The following FBXO31 variants were observed in gnomAD, a reference collection of about 807,000 sequenced individuals.
The protein encoded by FBXO31 is F-box only protein 31.
A neutral mutation model predicts 54.4 loss-of-function variants in FBXO31; 24 were observed. The observed-to-expected ratio is 0.44, with a 90% confidence interval of 0.32 to 0.62. The LOEUF is 0.62. Ranked by LOEUF, FBXO31 falls within the 20% of genes least tolerant of loss-of-function variation. The pLI, the probability that FBXO31 is intolerant of heterozygous loss-of-function variation, is 0.05. For synonymous variants in FBXO31, 388 were observed against 335.6 expected, an observed-to-expected ratio of 1.16 and a Z score of -1.71; for missense variants, 665 against 787.1, an observed-to-expected ratio of 0.84 and a Z score of 1.86.
intron 2 of FBXO31, among the ~76,000 whole-genome samples, chr16:87,351,260 A>G (rs1905642598): frequency 1.3e-5 from 2 of 152,256 alleles, no homozygotes; most frequent in Non-Finnish European, 1.5e-5. Flanking sequence ...GCTCCCATTC[A>G]AACGGTCAAG....
chr16:87,345,805 C>G lies in FBXO31; in HGVS notation c.489+1369G>C, dbSNP rs1358687146. Reference sequence around the variant, plus strand: ...GCCTTCTCCCCCCTTCCTGAGGCCACTGACCACTGGCTGGGGAGGAAGGCC... The same window carrying G: ...GCCTTCTCCCCCCTTCCTGAGGCCAGTGACCACTGGCTGGGGAGGAAGGCC... On this transcript the variant is annotated intron_variant, in intron 3 of 8. Transcript: ENST00000311635. This position sits in a 1 kb window ranked among gnomAD's most constrained non-coding sequence, Gnocchi z 4.9. Among the ~76,000 whole-genome samples the G allele has an allele frequency of 1.3e-5, 2 of 152,232 alleles. No individual in the cohort carries two copies.
At chr16:87,368,504 A>C (rs894990317) in intron 1 of FBXO31, among the ~76,000 whole-genome samples, 1 of 151,934 alleles carries the variant, frequency 6.6e-6, no homozygotes, top group Non-Finnish European at 1.5e-5. Flanking sequence ...CACAGATCCA[A>C]CCCAACTCCA....
At chr16:87,391,682 G>C (rs1272871416), upstream of FBXO31, 1 of 152,460 alleles carries the variant, frequency 6.6e-6, no homozygotes, top group East Asian at 1.9e-4. Flanking sequence ...AAAAGCAGTT[G>C]CGCAAACGCG....
chr16:87,336,044 C>T lies in FBXO31; in HGVS notation c.842+111G>A. 1.2e-6 allele frequency: 1 copy of T among 835,936 alleles called. No individual in the cohort carries two copies. Among genetic ancestry groups the T allele is most frequent in the South Asian group, 1.7e-5 (1 of 60,468 alleles). 51.8% of individuals were successfully genotyped at this position (835,936 alleles called of 1,614,324 possible). A position where few individuals can be genotyped will look rare whatever the true frequency, so the allele number is the denominator to read the frequency against. On this transcript the variant is annotated intron_variant, in intron 6 of 8. Transcript: ENST00000311635. This position sits in a 1 kb window ranked among gnomAD's most constrained non-coding sequence, Gnocchi z 6.5. ...CCCCAGCAGGAGAGAGGGCTGAACC[C>T]CAGCACCCACTGAGACAAAGGACTA...
intron 2 of FBXO31, among the ~76,000 whole-genome samples, chr16:87,347,821 G>C (rs1212868067): frequency 3.3e-5 from 5 of 152,100 alleles, no homozygotes; most frequent in Non-Finnish European, 7.4e-5. Flanking sequence ...CTAGGAATAA[G>C]ACAGAAGACG....
chr16:87,364,068 C>T (rs1899209327), intron 1 of FBXO31, among the ~76,000 whole-genome samples: 1 of 152,216 alleles, frequency 6.6e-6, no homozygotes, highest in African/African-American at 2.4e-5. Flanking sequence ...GCCCCACCTC[C>T]TGTTCCATTA....
intron 1 of FBXO31, among the ~76,000 whole-genome samples, chr16:87,370,097 T>A (rs981038862): frequency 1.1e-4 from 16 of 152,156 alleles, no homozygotes; most frequent in African/African-American, 2.4e-4. Context: ...GGGGCCTGCA[T>A]CTAGTCCATC....
rs558232246 is a variant in FBXO31, at chr16:87,345,132, G to A, written c.490-1367C>T. Reference sequence around the variant, plus strand: ...AGGCCACGGGGAGACAGACACACCCGCCCTCGCTGGGCTCAGCCCCTGGTC... The same window carrying A: ...AGGCCACGGGGAGACAGACACACCCACCCTCGCTGGGCTCAGCCCCTGGTC... On this transcript the variant is annotated intron_variant, in intron 3 of 8. Coordinates refer to ENST00000311635, the MANE Select transcript of FBXO31 (RefSeq NM_024735.5). The surrounding 1 kb of genome is among the most constrained non-coding windows in gnomAD (Gnocchi z 4.9). Among the ~76,000 whole-genome samples, 16 of 152,282 alleles carry A rather than the reference G, an allele frequency of 1.1e-4. No individual in the cohort carries two copies. The highest frequency in any genetic ancestry group is 2.2e-4 in the African/African-American group (9 of 41,542).
Position 87,345,545 on chromosome 16 carries a change from C to T in FBXO31, c.489+1629G>A, listed in dbSNP as rs1002011619. On this transcript the variant is annotated intron_variant, in intron 3 of 8. Transcript: ENST00000311635. This position sits in a 1 kb window ranked among gnomAD's most constrained non-coding sequence, Gnocchi z 4.9. ...TAAATTGGCAGGTGACCGAGAAACA[C>T]AGAAACTAAAACTACAAGCAGACAT... Among the ~76,000 whole-genome samples, 1 of 152,216 alleles carries T rather than the reference C, an allele frequency of 6.6e-6. No homozygotes were observed.
intron 1 of FBXO31, among the ~76,000 whole-genome samples, chr16:87,379,926 C>T (rs1019945394): frequency 6.7e-6 from 1 of 148,888 alleles, no homozygotes; most frequent in African/African-American, 2.5e-5. Flanking sequence ...AATGTATTAA[C>T]ATGAATAGAA....
intron 1 of FBXO31, among the ~76,000 whole-genome samples, chr16:87,369,087 C>A (rs923919908): frequency 2.6e-5 from 4 of 152,228 alleles, no homozygotes; most frequent in African/African-American, 4.8e-5. Flanking sequence ...CTGCACCCGG[C>A]CTTTATTTTT....
chr16:87,347,275 T>C, intron 2 of FBXO31, 25 bp from the exon 3 acceptor site: 2 of 1,609,652 alleles, frequency 1.2e-6, no homozygotes, highest in Non-Finnish European at 1.7e-6. Flanking sequence ...AAAGAGCAAG[T>C]CTCTGTGTTA....
At chr16:87,389,002 T>G (rs1222542152) in intron 1 of FBXO31, among the ~76,000 whole-genome samples, 2 of 152,196 alleles carry the variant, frequency 1.3e-5, no homozygotes, top group African/African-American at 4.8e-5. Context: ...CTCTGAATAT[T>G]GTTCACTACT....
rs796908988 is a variant in FBXO31 at position 87,327,911 on chromosome 16, A to T, written c.*3377T>A. On this transcript the variant is annotated 3_prime_UTR_variant, in exon 9 of 9. Coordinates refer to ENST00000311635, the MANE Select transcript of FBXO31 (RefSeq NM_024735.5). ...CGAAGGCAGCAACCAGAATAGAAACATCCTAAAAGAGCCTAGCTGCTTTCT... is the reference window on the plus strand; with the variant it reads ...CGAAGGCAGCAACCAGAATAGAAACTTCCTAAAAGAGCCTAGCTGCTTTCT... 14 of 152,334 alleles carry T rather than the reference A, an allele frequency of 9.2e-5. No individual in the cohort carries two copies. Among genetic ancestry groups the T allele is most frequent in the African/African-American group, 3.4e-4 (14 of 41,558 alleles). The allele number at this position is 152,334 out of a possible 1,614,324, so 9.4% of individuals were successfully genotyped here. A position where few individuals can be genotyped will look rare whatever the true frequency, so the allele number is the denominator to read the frequency against.
At position 87,360,342 on chromosome 16, in the gene FBXO31, C is replaced by T. The variant is rs1906078693; in HGVS notation, c.365G>A (p.Arg122Gln). The change falls in exon 2 of 9, where the codon CGG (arginine) becomes CAG (glutamine). Residue 122 changes from arginine (R) to glutamine (Q), a missense_variant. Around this residue, in one of 4 missense-constraint regions of FBXO31, gnomAD observed 234 missense variants for 346.8 expected, o/e 0.67. Transcript: ENST00000311635. ...AGACACGCCTGTGATCTCCAGCTTC[C>T]GCAAGTTTTCGCAAACACCATACTC... The part of the protein sequence containing the change: ...REEYGVCENL[R>Q]KLEITGVSCR... 6 of 1,614,150 alleles carry T rather than the reference C, an allele frequency of 3.7e-6. No individual in the cohort carries two copies. Among genetic ancestry groups the T allele is most frequent in the East Asian group, 4.5e-5 (2 of 44,882 alleles).
At position 87,335,100 on chromosome 16, in the gene FBXO31, G is replaced by A. The variant is rs1394194564; in HGVS notation, c.996+204C>T. Among the ~76,000 whole-genome samples, 4 of 152,218 alleles carry A rather than the reference G, an allele frequency of 2.6e-5. No homozygotes were observed. The highest frequency in any genetic ancestry group is 9.6e-5 in the African/African-American group (4 of 41,452). ...CTTGGAAGCACACAGACTCCCTGAG[G>A]GTCTCGTGGAAATGCAATTCTGGTT... On this transcript the variant is annotated intron_variant, in intron 7 of 8. Transcript: ENST00000311635. The surrounding 1 kb of genome is among the most constrained non-coding windows in gnomAD (Gnocchi z 5.7).
In FBXO31 at chr16:87,358,565, T is replaced by C. The variant is rs1905999036; in HGVS notation, c.412+1730A>G. On this transcript the variant is annotated intron_variant, in intron 2 of 8. Transcript: ENST00000311635. This position sits in a 1 kb window ranked among gnomAD's most constrained non-coding sequence, Gnocchi z 4.0. Reference sequence around the variant, plus strand: ...TACAGGACTGTGCAAACAGCGTGAATACGACCCAATGCCTGCCCCTCACCA... The same window carrying C: ...TACAGGACTGTGCAAACAGCGTGAACACGACCCAATGCCTGCCCCTCACCA... The C allele has an allele frequency of 6.5e-6, 1 of 152,700 alleles. No homozygotes were observed. Among genetic ancestry groups the C allele is most frequent in the Non-Finnish European group, 1.5e-5 (1 of 68,110 alleles). The allele number at this position is 152,700 out of a possible 1,614,324, so 9.5% of individuals were successfully genotyped here.
upstream of FBXO31, chr16:87,383,784 C>A (rs1253310849): frequency 2.1e-5 from 24 of 1,166,132 alleles, no homozygotes; most frequent in South Asian, 5.9e-4. The surrounding 1 kb of genome is among the most constrained non-coding windows in gnomAD (Gnocchi z 4.9). Flanking sequence ...TGTGCGCACG[C>A]TCCAGCGCGG....
chr16:87,381,940 T>C (rs956377824), intron 1 of FBXO31, among the ~76,000 whole-genome samples: 1 of 151,858 alleles, frequency 6.6e-6, no homozygotes, highest in African/African-American at 2.4e-5. Context: ...GGAGAATCAC[T>C]TGAACCTGGG....
Sources: allele counts gnomAD v4.1 joint callset (sites outside exome capture counted in the v4.1 genomes callset), GRCh38; gene constraint gnomAD v4.1.1; regional missense constraint gnomAD v4.1.1; non-coding constraint Gnocchi (gnomAD v3.1); transcripts MANE v1.5; gene names NCBI Gene and HGNC (gene_info 2026-07-23, HGNC 2026-07-21).